The following RALGAPB variants were observed in gnomAD, a reference collection of about 807,000 sequenced individuals.
RALGAPB encodes the protein ral GTPase-activating protein subunit beta.
In RALGAPB, 25 loss-of-function variants were observed where a neutral mutation model predicts 161.1. The ratio of observed to expected loss-of-function variants is 0.16; its 90% CI spans 0.11 to 0.22. The LOEUF (loss-of-function observed/expected upper bound fraction) is 0.22. Among genes scored for constraint, RALGAPB ranks in the 10% least tolerant of loss-of-function variants. The pLI is 1.00. For missense variants in RALGAPB, 1,391 were observed against 1,815.2 expected, an observed-to-expected ratio of 0.77 and a Z score of 4.25; for synonymous variants, 629 against 626.1, an observed-to-expected ratio of 1.00 and a Z score of -0.07.
At position 38,578,628 on chromosome 20, in the gene RALGAPB, TC is replaced by T. The variant is rs946908814; in HGVS notation, c.*3662del. The T allele has an allele frequency of 6.6e-6, 1 of 152,636 alleles. No individual in the cohort carries two copies. Among genetic ancestry groups the T allele is most frequent in the African/African-American group, 2.4e-5 (1 of 41,448 alleles). 9.5% of individuals were successfully genotyped at this position (152,636 alleles called of 1,614,324 possible). On this transcript the variant is annotated 3_prime_UTR_variant, in exon 30 of 30. Transcript: ENST00000262879. Reference sequence around the variant, plus strand: ...AGTATGTTGCCAAGACATGATTTTTTCTTATTGTATTTTCTGTAAATATTTC... The same window carrying T: ...AGTATGTTGCCAAGACATGATTTTTTTTATTGTATTTTCTGTAAATATTTC...
intron 25 of RALGAPB, 82 bp downstream of exon 25, chr20:38,565,560 T>C: frequency 6.7e-7 from 1 of 1,497,148 alleles, no homozygotes; most frequent in Non-Finnish European, 9.1e-7. Flanking sequence ...TTGGAAGAGA[T>C]TTTGAAGTGA....
chr20:38,577,339 T>C lies in RALGAPB; in HGVS notation c.*2372T>C, dbSNP rs2088473964. ...CTGGAGGAACATATTTAGCACCTAA[T>C]ATTAATATTTAGTAGTCCATTGATA... On this transcript the variant is annotated 3_prime_UTR_variant, in exon 30 of 30. Coordinates refer to ENST00000262879, the MANE Select transcript of RALGAPB (RefSeq NM_020336.4). 1 of 152,224 alleles carries C rather than the reference T, an allele frequency of 6.6e-6. No individual in the cohort carries two copies. Among genetic ancestry groups the C allele is most frequent in the Non-Finnish European group, 1.5e-5 (1 of 68,044 alleles). The allele number at this position is 152,224 out of a possible 1,614,324, so 9.4% of individuals were successfully genotyped here.
rs533648004 is a variant in RALGAPB, at chr20:38,521,477, C to A, written c.1418-20C>A. 4.3e-6 allele frequency: 7 copies of A among 1,613,724 alleles called. No homozygotes were observed. The Admixed American group carries it at 5.0e-5, about 12-fold the overall frequency. ...GTGGCATATTGCAAATATAATAAAA[C>A]CCTCCTTTTCTCTCCCCAGCCATTA... On this transcript the variant is annotated intron_variant, in intron 9 of 29. Coordinates refer to ENST00000262879, the MANE Select transcript of RALGAPB (RefSeq NM_020336.4).
At chr20:38,528,073 G>C (rs571868000) in intron 13 of RALGAPB, among the ~76,000 whole-genome samples, 80 of 152,176 alleles carry the variant, frequency 5.3e-4, no homozygotes, top group Non-Finnish European at 1.0e-3. Context: ...TTCTTAAAAA[G>C]CAGTGTGGTC....
chr20:38,550,931 A>G, intron 20 of RALGAPB, 140 bp from the exon 21 acceptor site: 1 of 914,148 alleles, frequency 1.1e-6, no homozygotes, highest in East Asian at 2.5e-5. Flanking sequence ...TGTTATCTGT[A>G]GCATTTGCAG....
At chr20:38,512,935 A>AT (rs59144856) in intron 6 of RALGAPB, among the ~76,000 whole-genome samples, 4,141 of 151,736 alleles carry the variant, frequency 0.027, 201 homozygotes, top group African/African-American at 0.094. Flanking sequence ...AATTTTTTGT[A>AT]TTTTTTAGTA....
chr20:38,492,736 T>C (rs2085314985), intron 2 of RALGAPB, among the ~76,000 whole-genome samples, 194 bp from the exon 3 acceptor site: 1 of 152,264 alleles, frequency 6.6e-6, no homozygotes, highest in African/African-American at 2.4e-5. Flanking sequence ...TATTTTCTTC[T>C]TAAAGCTTTT....
rs754310034 is a variant in RALGAPB at position 38,558,821 on chromosome 20, T to C, written c.3531+368T>C. Among the ~76,000 whole-genome samples the C allele has an allele frequency of 2.0e-5, 3 of 152,178 alleles. No homozygotes were observed. The South Asian group carries it at 6.2e-4, about 31-fold the overall frequency. On this transcript the variant is annotated intron_variant, in intron 23 of 29. Coordinates refer to ENST00000262879, the MANE Select transcript of RALGAPB (RefSeq NM_020336.4). ...GGTGACACACAGTCTAGAGTCCATA[T>C]AGCACGCAGCTTCAAAGTGATTACT...
intron 6 of RALGAPB, among the ~76,000 whole-genome samples, chr20:38,512,224 C>G (rs2085982123): frequency 6.6e-6 from 1 of 152,184 alleles, no homozygotes; most frequent in South Asian, 2.1e-4. Context: ...TTATATATAG[C>G]ATTTAAAAGA....
intron 28 of RALGAPB, among the ~76,000 whole-genome samples, chr20:38,573,468 G>A (rs575667192): frequency 2.0e-5 from 3 of 152,208 alleles, no homozygotes; most frequent in Non-Finnish European, 4.4e-5. Flanking sequence ...GCCTATCCCT[G>A]GTGTGTAATG....
At chr20:38,535,027 A>C in intron 15 of RALGAPB, 47 bp from the exon 16 acceptor site, 1 of 1,590,880 alleles carries the variant, frequency 6.3e-7, no homozygotes, top group Non-Finnish European at 8.6e-7. Context: ...ACTAATGCTT[A>C]GTTGTTTTCC....
chr20:38,570,856 T>A lies in RALGAPB; in HGVS notation c.4142+9T>A. On this transcript the variant is annotated intron_variant, in intron 28 of 29. Transcript: ENST00000262879. ...AGTAGCACTTCACTGAGGTACACTC[T>A]ATTTGCTTGAAGTTCATCAGCGTGT... The A allele has an allele frequency of 6.4e-7, 1 of 1,568,898 alleles. No individual in the cohort carries two copies. The highest frequency in any genetic ancestry group is 1.4e-5 in the African/African-American group (1 of 73,990).
At position 38,575,120 on chromosome 20, in the gene RALGAPB, T is replaced by G. The variant is rs2088389729; in HGVS notation, c.*153T>G. On this transcript the variant is annotated 3_prime_UTR_variant, in exon 30 of 30. Transcript: ENST00000262879. ...TAGAAGAAACACATTATAACCCATTTGATAGAAGACTTTGGGCTATCTAGT... is the reference window on the plus strand; with the variant it reads ...TAGAAGAAACACATTATAACCCATTGGATAGAAGACTTTGGGCTATCTAGT... 7 of 677,156 alleles carry G rather than the reference T, an allele frequency of 1.0e-5. No homozygotes were observed. Among genetic ancestry groups the G allele is most frequent in the East Asian group, 2.7e-5 (1 of 36,582 alleles). 41.9% of individuals were successfully genotyped at this position (677,156 alleles called of 1,614,324 possible). A position where few individuals can be genotyped will look rare whatever the true frequency, so the allele number is the denominator to read the frequency against.
chr20:38,574,418 G>C lies in RALGAPB; in HGVS notation c.4291+120G>C. 4.4e-6 allele frequency: 5 copies of C among 1,139,352 alleles called. No homozygotes were observed. The South Asian group carries it at 8.6e-5, about 20-fold the overall frequency. 70.6% of individuals were successfully genotyped at this position (1,139,352 alleles called of 1,614,324 possible). On this transcript the variant is annotated intron_variant, in intron 29 of 29. Transcript: ENST00000262879. ...TTAATAGCTTCCACATGTAGGAAATGGTATGGCTCTTGTTAAAAAGGGAGC... is the reference window on the plus strand; with the variant it reads ...TTAATAGCTTCCACATGTAGGAAATCGTATGGCTCTTGTTAAAAAGGGAGC...
intron 1 of RALGAPB, among the ~76,000 whole-genome samples, chr20:38,485,114 G>C (rs982052357): frequency 6.6e-6 from 1 of 152,126 alleles, no homozygotes; most frequent in East Asian, 1.9e-4. Flanking sequence ...TATTAAAATA[G>C]CACAATATAT....
intron 20 of RALGAPB, 119 bp downstream of exon 20, chr20:38,548,914 CA>C: frequency 1.3e-6 from 1 of 791,378 alleles, no homozygotes; most frequent in Non-Finnish European, 2.1e-6. Context: ...GATTCTCAGT[CA>C]GTGGGTTCAT....
intron 16 of RALGAPB, 69 bp from the exon 17 acceptor site, chr20:38,539,707 G>T: frequency 6.7e-7 from 1 of 1,493,946 alleles, no homozygotes; most frequent in African/African-American, 1.4e-5. Flanking sequence ...AAGCTTCAGT[G>T]CAAATGCTTT....
At chr20:38,528,821 C>G (rs1260769890) in intron 13 of RALGAPB, among the ~76,000 whole-genome samples, 1 of 152,130 alleles carries the variant, frequency 6.6e-6, no homozygotes, top group Non-Finnish European at 1.5e-5. Context: ...CCTGGGATTA[C>G]TGGCACCCGC....
At chr20:38,482,649 G>A (rs761906319) in intron 1 of RALGAPB, among the ~76,000 whole-genome samples, 7 of 152,128 alleles carry the variant, frequency 4.6e-5, no homozygotes, top group Middle Eastern at 6.8e-3. Context: ...GGCCGGTCTC[G>A]AACTCCTGAC....
Sources: allele counts gnomAD v4.1 joint callset (sites outside exome capture counted in the v4.1 genomes callset), GRCh38; gene constraint gnomAD v4.1.1; transcripts MANE v1.5; gene names NCBI Gene and HGNC (gene_info 2026-07-23, HGNC 2026-07-21).